The following FGF14 variants were observed in gnomAD, a reference collection of about 807,000 sequenced individuals.
The protein encoded by FGF14 is fibroblast growth factor homologous factor 4.
A neutral mutation model predicts 25.5 loss-of-function variants in FGF14; 5 were observed. The observed-to-expected ratio is 0.20, with a 90% confidence interval of 0.10 to 0.41. The LOEUF (loss-of-function observed/expected upper bound fraction) is 0.41. Among genes scored for constraint, FGF14 ranks in the 10% least tolerant of loss-of-function variants. The pLI is 1.00. For synonymous variants in FGF14, 138 were observed against 118.3 expected, an observed-to-expected ratio of 1.17 and a Z score of -1.08; for missense variants, 222 against 320.1, an observed-to-expected ratio of 0.69 and a Z score of 2.34.
At chr13:101,887,656 T>A (rs1002897644) in intron 1 of FGF14, among the ~76,000 whole-genome samples, 6 of 151,942 alleles carry the variant, frequency 3.9e-5, no homozygotes, top group Non-Finnish European at 8.8e-5. Flanking sequence ...AGGAATAAGG[T>A]CCAGTATTTG....
intron 1 of FGF14, among the ~76,000 whole-genome samples, chr13:102,174,105 C>T (rs7336254): frequency 0.37 from 55,064 of 150,444 alleles, 10,104 homozygotes; most frequent in Middle Eastern, 0.42. Flanking sequence ...TTTCAGGATA[C>T]GAAACAAAAC....
intron 1 of FGF14, among the ~76,000 whole-genome samples, chr13:102,155,082 C>T (rs1479810746): frequency 1.3e-5 from 2 of 152,188 alleles, no homozygotes. Context: ...TAACACCCCA[C>T]TGTCAACATT....
intron 3 of FGF14, among the ~76,000 whole-genome samples, chr13:101,842,033 G>T (rs868696586): frequency 2.6e-5 from 4 of 151,822 alleles, no homozygotes; most frequent in South Asian, 4.2e-4. Flanking sequence ...ATTTTCTTTG[G>T]CAACGTTATG....
At chr13:102,126,324 G>A (rs903319527) in intron 1 of FGF14, among the ~76,000 whole-genome samples, 1 of 152,134 alleles carries the variant, frequency 6.6e-6, no homozygotes, top group Admixed American at 6.5e-5. Flanking sequence ...TACAATATGT[G>A]TCCTATTGTG....
In FGF14 at chr13:101,724,902, T is replaced by C. The variant is rs559041058; in HGVS notation, c.607+1710A>G. On this transcript the variant is annotated intron_variant, in intron 4 of 4. Transcript: ENST00000376143. The stretch of plus-strand genomic sequence containing the variant: ...ATATGTATATATACACACAAAACAC[T>C]CATATACACATAACAAATACATGAG... Among the ~76,000 whole-genome samples, 3 of 151,710 alleles carry C rather than the reference T, an allele frequency of 2.0e-5. No homozygotes were observed. In the South Asian group the frequency reaches 6.2e-4, roughly 31 times the overall value.
chr13:102,199,830 G>GT (rs2049533097), intron 1 of FGF14, among the ~76,000 whole-genome samples: 2 of 152,182 alleles, frequency 1.3e-5, no homozygotes, highest in Non-Finnish European at 2.9e-5. Context: ...ACTTTAGAGC[G>GT]TGTTTCTCTC....
intron 1 of FGF14, among the ~76,000 whole-genome samples, chr13:102,253,558 G>A (rs2052298517): frequency 1.3e-5 from 2 of 152,012 alleles, no homozygotes; most frequent in African/African-American, 4.8e-5. Context: ...TGTAGATTCT[G>A]GATATTAGCA....
chr13:101,795,948 G>A (rs1436716149), intron 3 of FGF14, among the ~76,000 whole-genome samples: 1 of 152,012 alleles, frequency 6.6e-6, no homozygotes, highest in African/African-American at 2.4e-5. Context: ...AGGAAAAAAT[G>A]CCAAATACGA....
chr13:101,882,333 T>C (rs2045751585), intron 1 of FGF14, among the ~76,000 whole-genome samples: 2 of 152,050 alleles, frequency 1.3e-5, no homozygotes, highest in East Asian at 3.9e-4. Flanking sequence ...TGACAAAAAG[T>C]AGATGTTAAA....
intron 1 of FGF14, among the ~76,000 whole-genome samples, chr13:102,150,100 T>C (rs1470792758): frequency 1.3e-5 from 2 of 152,130 alleles, no homozygotes; most frequent in Admixed American, 6.5e-5. Flanking sequence ...GGAAAGAGCA[T>C]TGATCAGGGA....
chr13:102,307,205 A>C (rs999908906), intron 1 of FGF14, among the ~76,000 whole-genome samples: 4 of 152,130 alleles, frequency 2.6e-5, no homozygotes, highest in Non-Finnish European at 4.4e-5. Context: ...GCTCAATCCC[A>C]TGACCATATG....
At chr13:101,932,915 G>A (rs1015628286) in intron 1 of FGF14, among the ~76,000 whole-genome samples, 1 of 152,162 alleles carries the variant, frequency 6.6e-6, no homozygotes, top group Non-Finnish European at 1.5e-5. Context: ...CAAAATTGAT[G>A]AGATGGGAGA....
At chr13:102,066,964 T>C (rs545011731) in intron 1 of FGF14, among the ~76,000 whole-genome samples, 1 of 152,338 alleles carries the variant, frequency 6.6e-6, no homozygotes, top group South Asian at 2.1e-4. Flanking sequence ...TAAAAAATTG[T>C]ATTTAAAGCT....
intron 1 of FGF14, among the ~76,000 whole-genome samples, chr13:101,952,375 C>T (rs894743831): frequency 2.6e-5 from 4 of 151,782 alleles, no homozygotes; most frequent in African/African-American, 7.3e-5. Flanking sequence ...TTCTTTTACA[C>T]CTGTCTTCAT....
At chr13:102,337,958 A>G (rs978147556) in intron 1 of FGF14, among the ~76,000 whole-genome samples, 7 of 152,218 alleles carry the variant, frequency 4.6e-5, no homozygotes, top group Non-Finnish European at 1.0e-4. Flanking sequence ...TGTGCACTGG[A>G]AAACCAAAAA....
intron 4 of FGF14, among the ~76,000 whole-genome samples, chr13:101,725,823 T>C (rs1420248985): frequency 6.6e-6 from 1 of 152,060 alleles, no homozygotes; most frequent in Non-Finnish European, 1.5e-5. Flanking sequence ...TTTGTAATTC[T>C]CAAATGTTAC....
chr13:102,236,106 A>G (rs998395375), intron 1 of FGF14, among the ~76,000 whole-genome samples: 10 of 152,210 alleles, frequency 6.6e-5, no homozygotes, highest in African/African-American at 2.2e-4. Flanking sequence ...GTTGTCTTAT[A>G]CGTAAACAAG....
intron 1 of FGF14, among the ~76,000 whole-genome samples, chr13:102,369,061 C>T (rs909221487): frequency 6.6e-6 from 1 of 152,190 alleles, no homozygotes; most frequent in Admixed American, 6.5e-5. Context: ...TGTCTACTTC[C>T]TCACTGAAAA....
At chr13:101,905,095 A>G (rs1201129820) in intron 1 of FGF14, among the ~76,000 whole-genome samples, 1 of 152,168 alleles carries the variant, frequency 6.6e-6, no homozygotes, top group African/African-American at 2.4e-5. Flanking sequence ...TTTTAAAACT[A>G]TTGTCCCATG....
Sources: allele counts gnomAD v4.1 joint callset (sites outside exome capture counted in the v4.1 genomes callset), GRCh38; gene constraint gnomAD v4.1.1; transcripts MANE v1.5; gene names NCBI Gene and HGNC (gene_info 2026-07-23, HGNC 2026-07-21).